LINGO2: variants seen among roughly 807,000 people sequenced by gnomAD.
LINGO2 encodes leucine-rich repeat and immunoglobulin-like domain-containing nogo receptor-interacting protein 2.
In LINGO2, 14 loss-of-function variants were observed where a neutral mutation model predicts 30.6. That is an observed-to-expected ratio of 0.46 (90% CI 0.30 to 0.72). LINGO2 has a LOEUF of 0.72. Ranked by LOEUF, LINGO2 falls within the 30% of genes least tolerant of loss-of-function variation. The probability of loss-of-function intolerance (pLI) is 0.07; values close to 1 mark genes in which losing one functional copy is unlikely to be tolerated. For synonymous variants in LINGO2, 317 were observed against 288.5 expected (o/e 1.10, Z -1.00); for missense variants, 729 against 751.7 (o/e 0.97, Z 0.35).
chr9:28,859,968 C>G, the LINGO2 span, among the ~76,000 whole-genome samples: 1 of 151,926 alleles, frequency 6.6e-6, no homozygotes, highest in Admixed American at 6.6e-5. Context: ...GACTAGGTTA[C>G]AATTATTTCT....
chr9:28,850,994 T>C, the LINGO2 span, among the ~76,000 whole-genome samples: 2 of 152,020 alleles, frequency 1.3e-5, no homozygotes, highest in Non-Finnish European at 2.9e-5. Flanking sequence ...CTTTGAATGA[T>C]ACCCACAGTA....
At chr9:28,034,908 G>C (rs1034243605) in intron 4 of LINGO2, among the ~76,000 whole-genome samples, 3 of 152,134 alleles carry the variant, frequency 2.0e-5, no homozygotes, top group Non-Finnish European at 2.9e-5. Flanking sequence ...TGCTAATAAA[G>C]TGTGAGTTGC....
At chr9:28,604,065 C>T (rs1170719965) in intron 1 of LINGO2, among the ~76,000 whole-genome samples, 1 of 151,992 alleles carries the variant, frequency 6.6e-6, no homozygotes, top group Non-Finnish European at 1.5e-5. Flanking sequence ...CATGCAAATT[C>T]TCTATGGCCT....
At chr9:28,023,560 G>C (rs1469001971) in intron 4 of LINGO2, among the ~76,000 whole-genome samples, 1 of 152,100 alleles carries the variant, frequency 6.6e-6, no homozygotes, top group Non-Finnish European at 1.5e-5. Context: ...TGCGTTTTGT[G>C]GTTATGACCT....
intron 4 of LINGO2, among the ~76,000 whole-genome samples, chr9:28,259,302 T>C (rs995738203): frequency 1.6e-4 from 24 of 152,066 alleles, no homozygotes; most frequent in African/African-American, 5.8e-4. Context: ...GAAATAAAAA[T>C]GTATGACTAT....
chr9:29,179,982 C>T, the LINGO2 span, among the ~76,000 whole-genome samples: 3 of 152,152 alleles, frequency 2.0e-5, no homozygotes, highest in East Asian at 5.8e-4. Context: ...AGTTAAATAG[C>T]CTTTATTGAA....
At chr9:28,591,072 A>G (rs1824879259) in intron 1 of LINGO2, among the ~76,000 whole-genome samples, 1 of 148,076 alleles carries the variant, frequency 6.8e-6, no homozygotes, top group Admixed American at 6.8e-5. Flanking sequence ...AAAACCAAAC[A>G]CCGCATGTTC....
intron 1 of LINGO2, among the ~76,000 whole-genome samples, chr9:28,658,041 T>C (rs1828434824): frequency 6.6e-6 from 1 of 152,098 alleles, no homozygotes; most frequent in Non-Finnish European, 1.5e-5. Flanking sequence ...AATTTACACA[T>C]ATTTTTGTGA....
the LINGO2 span, among the ~76,000 whole-genome samples, chr9:28,754,159 T>C: frequency 6.6e-6 from 1 of 152,170 alleles, no homozygotes; most frequent in East Asian, 1.9e-4. Flanking sequence ...CTATTTACTA[T>C]GTACTGTGTA....
the LINGO2 span, among the ~76,000 whole-genome samples, chr9:28,911,923 C>G: frequency 6.6e-6 from 1 of 152,090 alleles, no homozygotes; most frequent in Middle Eastern, 3.2e-3. Flanking sequence ...TCTTACTCAG[C>G]AGCCAAACAT....
At chr9:28,254,689 G>C (rs2134022124) in intron 4 of LINGO2, among the ~76,000 whole-genome samples, 1 of 152,078 alleles carries the variant, frequency 6.6e-6, no homozygotes, top group Admixed American at 6.6e-5. Flanking sequence ...TTTGCTTTTG[G>C]CTAGAAGATA....
chr9:29,185,205 A>G, the LINGO2 span, among the ~76,000 whole-genome samples: 39 of 152,238 alleles, frequency 2.6e-4, no homozygotes, highest in African/African-American at 8.9e-4. Flanking sequence ...TGGTGGCAGC[A>G]GGAATCCAAA....
chr9:28,650,145 A>T (rs137870527), intron 1 of LINGO2, among the ~76,000 whole-genome samples: 2 of 152,140 alleles, frequency 1.3e-5, no homozygotes, highest in African/African-American at 4.8e-5. Flanking sequence ...AAGAAATGAA[A>T]AAAAAGAAAA....
the LINGO2 span, among the ~76,000 whole-genome samples, chr9:28,789,957 A>G: frequency 6.6e-6 from 1 of 152,214 alleles, no homozygotes; most frequent in African/African-American, 2.4e-5. Context: ...ACAGTGGTAC[A>G]TATATATTTC....
intron 3 of LINGO2, among the ~76,000 whole-genome samples, chr9:28,363,339 G>A (rs574508375): frequency 1.3e-5 from 2 of 152,300 alleles, no homozygotes; most frequent in African/African-American, 4.8e-5. Flanking sequence ...TAAAGAGGAA[G>A]AACAGCATAT....
the LINGO2 span, among the ~76,000 whole-genome samples, chr9:28,884,782 AGT>A: frequency 7.7e-6 from 1 of 129,272 alleles, no homozygotes; most frequent in Non-Finnish European, 1.6e-5. Flanking sequence ...ATATATATAT[AGT>A]GTGTGTGTAT....
At chr9:28,693,483 C>T in the LINGO2 span, among the ~76,000 whole-genome samples, 1 of 151,994 alleles carries the variant, frequency 6.6e-6, no homozygotes, top group African/African-American at 2.4e-5. Flanking sequence ...CATCAATAGA[C>T]CATAAAAATG....
At chr9:28,229,250 T>A (rs2133929729) in intron 4 of LINGO2, among the ~76,000 whole-genome samples, 1 of 151,962 alleles carries the variant, frequency 6.6e-6, no homozygotes, top group South Asian at 2.1e-4. Context: ...ATTAAAAAGG[T>A]AATTTTTAAA....
At chr9:28,824,117 G>A in the LINGO2 span, among the ~76,000 whole-genome samples, 1 of 152,122 alleles carries the variant, frequency 6.6e-6, no homozygotes, top group Non-Finnish European at 1.5e-5. Context: ...TGCCTGTGAA[G>A]TTTGAAGGTG....
Sources: allele counts gnomAD v4.1 joint callset (sites outside exome capture counted in the v4.1 genomes callset), GRCh38; gene constraint gnomAD v4.1.1; transcripts MANE v1.5; gene names NCBI Gene and HGNC (gene_info 2026-07-23, HGNC 2026-07-21).